RPS6KC1: variants seen among roughly 807,000 people sequenced by gnomAD.
RPS6KC1 encodes the protein ribosomal protein S6 kinase C1, also known as inactive ribosomal protein S6 kinase delta-1.
In RPS6KC1, 54 loss-of-function variants were observed where a neutral mutation model predicts 103.8. The ratio of observed to expected loss-of-function variants is 0.52; its 90% CI spans 0.42 to 0.65. RPS6KC1 has a LOEUF of 0.65. RPS6KC1 is among the 30% of genes least tolerant of loss of function. RPS6KC1 has a pLI of 0.00. For missense variants in RPS6KC1, 1,151 were observed against 1,253.8 expected, an observed-to-expected ratio of 0.92 and a Z score of 1.24; for synonymous variants, 439 against 438.7, an observed-to-expected ratio of 1.00 and a Z score of -0.01.
the RPS6KC1 span, among the ~76,000 whole-genome samples, chr1:213,708,681 G>A: frequency 6.6e-6 from 1 of 152,142 alleles, no homozygotes; most frequent in African/African-American, 2.4e-5. Context: ...GATATTAGCT[G>A]TGGGTTTTTC....
the RPS6KC1 span, among the ~76,000 whole-genome samples, chr1:213,742,350 T>A: frequency 6.6e-6 from 1 of 152,224 alleles, no homozygotes; most frequent in East Asian, 1.9e-4. Flanking sequence ...ACTGTTACAG[T>A]ATAAAACTTA....
At chr1:213,637,280 A>G in the RPS6KC1 span, among the ~76,000 whole-genome samples, 1 of 150,030 alleles carries the variant, frequency 6.7e-6, no homozygotes, top group Non-Finnish European at 1.5e-5. Context: ...CCAAAGGATT[A>G]TAAATCATGC....
the RPS6KC1 span, among the ~76,000 whole-genome samples, chr1:213,408,491 G>T: frequency 9.2e-5 from 14 of 152,280 alleles, no homozygotes; most frequent in South Asian, 4.1e-4. Flanking sequence ...AGTAAAGGGG[G>T]TTACTCTTGA....
the RPS6KC1 span, among the ~76,000 whole-genome samples, chr1:213,618,962 C>T: frequency 6.2e-3 from 944 of 152,120 alleles, 19 homozygotes; most frequent in African/African-American, 0.022. Flanking sequence ...GCAGTGATGG[C>T]GACACACACG....
At chr1:213,252,940 T>C (rs1196427634) in intron 12 of RPS6KC1, among the ~76,000 whole-genome samples, 1 of 152,200 alleles carries the variant, frequency 6.6e-6, no homozygotes, top group African/African-American at 2.4e-5. Flanking sequence ...TTTACAATGA[T>C]GGCTGCTTTT....
At chr1:213,111,100 G>A (rs1460831228) in intron 4 of RPS6KC1, among the ~76,000 whole-genome samples, 1 of 151,842 alleles carries the variant, frequency 6.6e-6, no homozygotes, top group African/African-American at 2.4e-5. Context: ...CATCACAGAC[G>A]TCCATAGTTC....
At chr1:213,130,027 T>TAA in intron 6 of RPS6KC1, 138 bp downstream of exon 6, 5 of 771,614 alleles carry the variant, frequency 6.5e-6, no homozygotes, top group Non-Finnish European at 1.0e-5. Context: ...AAAAGACCTA[T>TAA]ATATGGATAT....
chr1:213,724,486 G>A, the RPS6KC1 span, among the ~76,000 whole-genome samples: 15 of 152,168 alleles, frequency 9.9e-5, no homozygotes, highest in Admixed American at 9.8e-4. Flanking sequence ...GATCACAAGG[G>A]GCTCTATGAG....
the RPS6KC1 span, among the ~76,000 whole-genome samples, chr1:213,610,686 G>T: frequency 6.6e-6 from 1 of 152,200 alleles, no homozygotes; most frequent in Admixed American, 6.5e-5. Flanking sequence ...GGCAGTAATT[G>T]TTTAAGGGGC....
At chr1:213,243,024 C>T (rs114998235) in intron 12 of RPS6KC1, among the ~76,000 whole-genome samples, 217 of 151,968 alleles carry the variant, frequency 1.4e-3, no homozygotes, top group Middle Eastern at 0.01. Flanking sequence ...TGAGACATAC[C>T]TCACTCTGTC....
At chr1:213,068,005 T>G (rs561812166) in intron 1 of RPS6KC1, among the ~76,000 whole-genome samples, 1 of 152,306 alleles carries the variant, frequency 6.6e-6, no homozygotes, top group East Asian at 1.9e-4. Context: ...GAAGATTATT[T>G]AAAATACTTA....
chr1:213,055,007 T>A (rs2077220006), intron 1 of RPS6KC1, among the ~76,000 whole-genome samples: 1 of 152,240 alleles, frequency 6.6e-6, no homozygotes, highest in South Asian at 2.1e-4. Context: ...TTGCCTGTAT[T>A]CTTTCCATGA....
the RPS6KC1 span, among the ~76,000 whole-genome samples, chr1:213,755,552 G>A: frequency 3.9e-5 from 6 of 152,232 alleles, no homozygotes; most frequent in Admixed American, 6.5e-5. Context: ...GGGCCAGGTG[G>A]CATGATCAGG....
the RPS6KC1 span, among the ~76,000 whole-genome samples, chr1:213,326,438 G>C: frequency 6.6e-6 from 1 of 152,184 alleles, no homozygotes. Flanking sequence ...TGCAGTTCTG[G>C]TGATTCAGAT....
At chr1:213,749,101 C>T in the RPS6KC1 span, among the ~76,000 whole-genome samples, 1 of 152,152 alleles carries the variant, frequency 6.6e-6, no homozygotes, top group Non-Finnish European at 1.5e-5. Flanking sequence ...AGGAATAAGT[C>T]CTTACTCCAC....
chr1:213,270,296 T>C (rs9430123), intron 14 of RPS6KC1, among the ~76,000 whole-genome samples: 40,983 of 152,136 alleles, frequency 0.27, 6,355 homozygotes, highest in Admixed American at 0.4. Flanking sequence ...ATAGCTCATA[T>C]ATTTGTATAT....
chr1:213,228,223 G>A (rs2094004919), intron 8 of RPS6KC1, among the ~76,000 whole-genome samples: 1 of 152,126 alleles, frequency 6.6e-6, no homozygotes, highest in African/African-American at 2.4e-5. Flanking sequence ...ATAAGTGCCT[G>A]GGGGAATATT....
At chr1:213,098,139 CG>C (rs2081638769) in intron 3 of RPS6KC1, among the ~76,000 whole-genome samples, 1 of 151,960 alleles carries the variant, frequency 6.6e-6, no homozygotes, top group African/African-American at 2.4e-5. Context: ...CCTTCCTTAC[CG>C]AGTCTTGCTC....
intron 6 of RPS6KC1, among the ~76,000 whole-genome samples, chr1:213,160,743 G>A (rs984526917): frequency 1.3e-5 from 2 of 150,810 alleles, no homozygotes; most frequent in Admixed American, 6.7e-5. Flanking sequence ...GCAAACTATC[G>A]CAAGGACACA....
Sources: gnomAD v4.1 joint callset for allele counts (sites outside exome capture counted in the v4.1 genomes callset) on GRCh38, gnomAD v4.1.1 for gene constraint, MANE v1.5 for transcripts, NCBI Gene and HGNC (gene_info 2026-07-23, HGNC 2026-07-21) for gene names.